Variants in PSMB7 observed in about 807,000 individuals in gnomAD.
The protein encoded by PSMB7 is proteasome subunit beta type-7.
A neutral mutation model predicts 28.1 loss-of-function variants in PSMB7; 5 were observed. That is an observed-to-expected ratio of 0.18 (90% CI 0.09 to 0.37). The LOEUF (loss-of-function observed/expected upper bound fraction) is 0.37, where lower values mean the gene tolerates loss of function less well. PSMB7 is among the 10% of genes least tolerant of loss of function. PSMB7 has a pLI of 1.00. For synonymous variants in PSMB7, 122 were observed against 123.7 expected (o/e 0.99, Z 0.09); for missense variants, 275 against 346.2 (o/e 0.79, Z 1.63).
intron 4 of PSMB7, among the ~76,000 whole-genome samples, chr9:124,406,701 A>T (rs1433112501): frequency 6.6e-6 from 1 of 151,634 alleles, no homozygotes; most frequent in African/African-American, 2.4e-5. Context: ...GCTACTACAC[A>T]TAGGATAAAC....
chr9:124,384,710 T>C (rs1022946236), intron 5 of PSMB7, 54 bp from the exon 6 acceptor site: 4 of 1,570,530 alleles, frequency 2.5e-6, no homozygotes, highest in Non-Finnish European at 3.5e-6. Context: ...AGCTTATCCA[T>C]CTCAAGTTTA....
intron 6 of PSMB7, among the ~76,000 whole-genome samples, chr9:124,375,439 C>A (rs1379063036): frequency 6.6e-6 from 1 of 152,182 alleles, no homozygotes; most frequent in East Asian, 1.9e-4. Context: ...GCTGGGATTA[C>A]AGGCATGAGC....
At chr9:124,408,013 A>G (rs538617275) in intron 4 of PSMB7, among the ~76,000 whole-genome samples, 16 of 152,318 alleles carry the variant, frequency 1.1e-4, no homozygotes, top group African/African-American at 3.6e-4. Flanking sequence ...ACAACAAAAA[A>G]TTAGACAAAC....
At chr9:124,392,758 A>G (rs1331119680) in intron 5 of PSMB7, among the ~76,000 whole-genome samples, 2 of 152,230 alleles carry the variant, frequency 1.3e-5, no homozygotes, top group Non-Finnish European at 2.9e-5. Flanking sequence ...GAGAGGCAGC[A>G]GGAAATGGAT....
intron 5 of PSMB7, chr9:124,396,940 T>C: frequency 2.5e-6 from 1 of 392,668 alleles, no homozygotes; most frequent in South Asian, 1.9e-5. Flanking sequence ...TTCCCTTTCC[T>C]AATAAAGTCA....
At chr9:124,399,852 C>T (rs1230347508) in intron 5 of PSMB7, among the ~76,000 whole-genome samples, 1 of 152,188 alleles carries the variant, frequency 6.6e-6, no homozygotes, top group Non-Finnish European at 1.5e-5. Flanking sequence ...TCCCTCCCTG[C>T]CCCAGGCCTC....
chr9:124,359,280 T>A (rs1276137980), intron 6 of PSMB7, among the ~76,000 whole-genome samples: 3 of 152,154 alleles, frequency 2.0e-5, no homozygotes, highest in Non-Finnish European at 4.4e-5. Flanking sequence ...TTCCCCCCAG[T>A]CCCACTCCAT....
intron 5 of PSMB7, among the ~76,000 whole-genome samples, chr9:124,391,895 T>C (rs1489563612): frequency 2.0e-5 from 3 of 152,254 alleles, no homozygotes; most frequent in African/African-American, 7.2e-5. Flanking sequence ...CTATAATCTA[T>C]GTTATTAGAT....
In PSMB7 at chr9:124,414,846, T is replaced by C. The variant is rs150663981; in HGVS notation, c.152A>G (p.Tyr51Cys). Residue 51 changes from tyrosine to cysteine, a missense_variant, in exon 2 of 8, where the codon TAT (tyrosine) becomes TGT (cysteine). By Grantham distance (194) the Tyr-to-Cys change is radical (BLOSUM62 -2). Coordinates refer to ENST00000259457, the MANE Select transcript of PSMB7 (RefSeq NM_002799.4). ...KTGTTIAGVV[Y>C]KDGIVLGADT... Reference sequence around the variant, plus strand: ...TCTTAGCCTAACCCGGCTTACCTTATAGACCACCCCAGCGATGGTCGTGCC... The same window carrying C: ...TCTTAGCCTAACCCGGCTTACCTTACAGACCACCCCAGCGATGGTCGTGCC... 7 of 1,613,688 alleles carry C rather than the reference T, an allele frequency of 4.3e-6. No homozygotes were observed. The African/African-American group carries it at 6.7e-5, about 15-fold the overall frequency.
At position 124,380,094 on chromosome 9, in the gene PSMB7, A is replaced by C. The variant is rs113791222; in HGVS notation, c.570+4504T>G. On this transcript the variant is annotated intron_variant, in intron 6 of 7. Coordinates refer to ENST00000259457, the MANE Select transcript of PSMB7 (RefSeq NM_002799.4). ...GGACACAAATAAATGAAGCAGCAAC[A>C]GGGTACTGCTGGTGGGCACCAGTGG... Among the ~76,000 whole-genome samples, 571 of 152,348 alleles carry C rather than the reference A, an allele frequency of 3.7e-3. 4 individuals carry two copies. The highest frequency in any genetic ancestry group is 0.013 in the African/African-American group (550 of 41,586).
chr9:124,410,661 G>A (rs1177777719), intron 4 of PSMB7, among the ~76,000 whole-genome samples: 1 of 152,222 alleles, frequency 6.6e-6, no homozygotes, highest in East Asian at 1.9e-4. Context: ...CAAACATAAA[G>A]CAGCAATTGG....
At chr9:124,395,856 G>C (rs1046181250) in intron 5 of PSMB7, among the ~76,000 whole-genome samples, 1 of 152,208 alleles carries the variant, frequency 6.6e-6, no homozygotes, top group African/African-American at 2.4e-5. Context: ...TTTCAGAAAA[G>C]GCAGTCACTG....
At chr9:124,368,393 C>T (rs780261047) in intron 6 of PSMB7, among the ~76,000 whole-genome samples, 2 of 152,200 alleles carry the variant, frequency 1.3e-5, no homozygotes, top group African/African-American at 4.8e-5. Flanking sequence ...TTATGCTACC[C>T]TAACATTCCA....
intron 5 of PSMB7, among the ~76,000 whole-genome samples, chr9:124,386,528 T>A (rs1482195233): frequency 6.6e-6 from 1 of 152,096 alleles, no homozygotes; most frequent in Non-Finnish European, 1.5e-5. Flanking sequence ...AAATGAAGAA[T>A]CTCAGGAAAA....
At chr9:124,368,336 T>C (rs567455023) in intron 6 of PSMB7, among the ~76,000 whole-genome samples, 37 of 152,260 alleles carry the variant, frequency 2.4e-4, no homozygotes, top group Non-Finnish European at 4.1e-4. Context: ...CTTTTTAAAG[T>C]ACTTTACCTC....
At chr9:124,387,032 G>A (rs1252031647) in intron 5 of PSMB7, among the ~76,000 whole-genome samples, 1 of 152,164 alleles carries the variant, frequency 6.6e-6, no homozygotes, top group Non-Finnish European at 1.5e-5. Context: ...GGATCACAAG[G>A]TGAGGAGATT....
At chr9:124,388,922 A>G (rs1438769164) in intron 5 of PSMB7, among the ~76,000 whole-genome samples, 1 of 152,074 alleles carries the variant, frequency 6.6e-6, no homozygotes, top group Non-Finnish European at 1.5e-5. Flanking sequence ...CCATCCTTTC[A>G]TATCTGCAGC....
chr9:124,379,141 C>G (rs1379967153), intron 6 of PSMB7, among the ~76,000 whole-genome samples: 3 of 152,160 alleles, frequency 2.0e-5, no homozygotes, highest in Admixed American at 2.0e-4. Flanking sequence ...GAATAAGCAC[C>G]TTCACTGATA....
intron 4 of PSMB7, among the ~76,000 whole-genome samples, chr9:124,411,102 A>G (rs556846719): frequency 1.2e-4 from 19 of 152,058 alleles, no homozygotes; most frequent in South Asian, 8.3e-4. Flanking sequence ...CAGCCTCCCA[A>G]GTAGCTGGGA....
Sources: allele counts gnomAD v4.1 joint callset (sites outside exome capture counted in the v4.1 genomes callset), GRCh38; gene constraint gnomAD v4.1.1; transcripts MANE v1.5; gene names NCBI Gene and HGNC (gene_info 2026-07-23, HGNC 2026-07-21).